CSPP1: variants seen among roughly 807,000 people sequenced by gnomAD.
CSPP1 encodes centrosome and spindle pole associated protein 1.
In CSPP1, 126 loss-of-function variants were observed where a neutral mutation model predicts 164.4. The ratio of observed to expected loss-of-function variants is 0.77; its 90% CI spans 0.66 to 0.89. The LOEUF (loss-of-function observed/expected upper bound fraction) is 0.89, where lower values mean the gene tolerates loss of function less well. Ranked by LOEUF, CSPP1 falls within the 40% of genes least tolerant of loss-of-function variation. The pLI, the probability that CSPP1 is intolerant of heterozygous loss-of-function variation, is 0.00. For synonymous variants in CSPP1, 472 were observed against 476.7 expected (o/e 0.99, Z 0.13); for missense variants, 1,395 against 1,449.8 (o/e 0.96, Z 0.61).
intron 7 of CSPP1, among the ~76,000 whole-genome samples, chr8:67,098,552 C>T (rs1251363207): frequency 6.6e-6 from 1 of 151,782 alleles, no homozygotes; most frequent in Non-Finnish European, 1.5e-5. Context: ...GTGGTTAACA[C>T]TGTAATTGAT....
chr8:67,161,957 T>G, intron 22 of CSPP1, 42 bp downstream of exon 22: 1 of 1,296,178 alleles, frequency 7.7e-7, no homozygotes, highest in Admixed American at 1.8e-5. Context: ...AGCTCAGTTA[T>G]TTTGGATTGG....
intron 4 of CSPP1, 36 bp from the exon 5 acceptor site, chr8:67,091,766 AT>A: frequency 1.5e-6 from 1 of 687,748 alleles, no homozygotes; most frequent in Non-Finnish European, 2.2e-6. Context: ...TATAAAGGCA[AT>A]TAGGTAATAT....
intron 21 of CSPP1, among the ~76,000 whole-genome samples, chr8:67,160,039 TTTTC>T (rs1230865326): frequency 8.8e-5 from 11 of 125,688 alleles, no homozygotes; most frequent in African/African-American, 3.6e-4. Context: ...TTCTTTTTCT[TTTTC>T]TTTTTCTTTC....
chr8:67,175,892 T>C (rs1369390452), intron 26 of CSPP1, among the ~76,000 whole-genome samples: 6 of 152,238 alleles, frequency 3.9e-5, no homozygotes, highest in Admixed American at 3.9e-4. Context: ...GAATATGTTT[T>C]CGTATAATCA....
At chr8:67,088,408 T>A (rs1391331234) in intron 4 of CSPP1, among the ~76,000 whole-genome samples, 5 of 151,532 alleles carry the variant, frequency 3.3e-5, no homozygotes, top group Admixed American at 3.3e-4. Context: ...TTGCCTCAGC[T>A]CCCGGAGTAG....
At chr8:67,161,989 T>C in intron 22 of CSPP1, 74 bp downstream of exon 22, 1 of 987,582 alleles carries the variant, frequency 1.0e-6, no homozygotes, top group East Asian at 2.4e-5. Flanking sequence ...AAATTTTCTT[T>C]TTCATTATAT....
chr8:67,162,833 CTA>C (rs931366595), intron 22 of CSPP1, among the ~76,000 whole-genome samples: 9 of 151,966 alleles, frequency 5.9e-5, no homozygotes, highest in Non-Finnish European at 1.3e-4. Flanking sequence ...GGGTAGGAGT[CTA>C]TGATAACTTT....
chr8:67,131,388 A>G (rs1372171017), intron 15 of CSPP1, among the ~76,000 whole-genome samples: 2 of 152,160 alleles, frequency 1.3e-5, no homozygotes, highest in African/African-American at 4.8e-5. Context: ...CCCTGTCCCA[A>G]AAAAAACCAA....
intron 3 of CSPP1, among the ~76,000 whole-genome samples, chr8:67,080,020 A>G (rs1808809903): frequency 6.6e-6 from 1 of 152,240 alleles, no homozygotes; most frequent in Admixed American, 6.5e-5. Flanking sequence ...ATTAAAGAAC[A>G]ATATATAATT....
chr8:67,149,674 C>A, intron 17 of CSPP1, 109 bp from the exon 18 acceptor site: 1 of 695,676 alleles, frequency 1.4e-6, no homozygotes, highest in Non-Finnish European at 2.2e-6. Flanking sequence ...TTATTCCCAA[C>A]TTTGTCCTAT....
At chr8:67,168,937 A>C (rs1829996092) in intron 24 of CSPP1, among the ~76,000 whole-genome samples, 1 of 152,196 alleles carries the variant, frequency 6.6e-6, no homozygotes, top group African/African-American at 2.4e-5. Flanking sequence ...ATCTCCATAG[A>C]GTTCCTTTCA....
chr8:67,106,622 CTTGT>C (rs1815588738), intron 9 of CSPP1, among the ~76,000 whole-genome samples: 1 of 152,070 alleles, frequency 6.6e-6, no homozygotes, highest in Non-Finnish European at 1.5e-5. Flanking sequence ...TGAATATAAG[CTTGT>C]TTTGCTATAT....
intron 7 of CSPP1, among the ~76,000 whole-genome samples, chr8:67,100,587 CTT>C (rs968737776): frequency 6.8e-6 from 1 of 146,698 alleles, no homozygotes. Context: ...TAATTTTTTT[CTT>C]TTTTTTTTGA....
At chr8:67,099,084 T>A (rs1053339369) in intron 7 of CSPP1, among the ~76,000 whole-genome samples, 4 of 152,064 alleles carry the variant, frequency 2.6e-5, no homozygotes, top group African/African-American at 9.7e-5. Flanking sequence ...GACTCTTGTC[T>A]TCAAGGAAAT....
chr8:67,174,469 A>C (rs576673263), intron 25 of CSPP1: 1 of 152,266 alleles, frequency 6.6e-6, no homozygotes, highest in South Asian at 2.1e-4. Flanking sequence ...AGATTAAAAA[A>C]TTTTTATTCT....
intron 7 of CSPP1, among the ~76,000 whole-genome samples, chr8:67,097,477 A>G (rs575910636): frequency 6.6e-6 from 1 of 152,166 alleles, no homozygotes; most frequent in Non-Finnish European, 1.5e-5. Context: ...CTATAATGTT[A>G]TATTTGAAAA....
intron 3 of CSPP1, among the ~76,000 whole-genome samples, chr8:67,078,051 GTTTTT>G (rs1304730730): frequency 2.6e-5 from 4 of 151,882 alleles, no homozygotes; most frequent in Non-Finnish European, 4.4e-5. Context: ...CCAGCCCTAC[GTTTTT>G]ATGAATCTAA....
intron 8 of CSPP1, among the ~76,000 whole-genome samples, chr8:67,103,645 CAA>C (rs747059154): frequency 1.6e-5 from 2 of 128,452 alleles, no homozygotes; most frequent in African/African-American, 2.8e-5. Context: ...ACTGAAAATA[CAA>C]AAAAAAAAAA....
chr8:67,167,584 G>A (rs1586676493), intron 24 of CSPP1, among the ~76,000 whole-genome samples: 1 of 152,036 alleles, frequency 6.6e-6, no homozygotes, highest in Middle Eastern at 3.4e-3. Flanking sequence ...CTCAGACGGG[G>A]CAGCTGCCGG....
Sources: allele counts gnomAD v4.1 joint callset (sites outside exome capture counted in the v4.1 genomes callset), GRCh38; gene constraint gnomAD v4.1.1; transcripts MANE v1.5; gene names NCBI Gene and HGNC (gene_info 2026-07-23, HGNC 2026-07-21).